DPH6: variants seen among roughly 807,000 people sequenced by gnomAD.
DPH6 encodes the protein diphthine--ammonia ligase.
DPH6 carries 33 observed loss-of-function variants against 38.2 expected under a neutral mutation model. The ratio of observed to expected loss-of-function variants is 0.86; its 90% CI spans 0.65 to 1.15. The LOEUF is 1.15. DPH6 is among the 50% of genes most tolerant of loss of function. DPH6 has a pLI of 0.00. For synonymous variants in DPH6, 108 were observed against 103.0 expected, an observed-to-expected ratio of 1.05 and a Z score of -0.30; for missense variants, 325 against 320.0, an observed-to-expected ratio of 1.02 and a Z score of -0.12.
downstream of DPH6, among the ~76,000 whole-genome samples, chr15:35,214,543 C>T (rs1402822504): frequency 1.3e-5 from 2 of 152,212 alleles, no homozygotes; most frequent in Non-Finnish European, 2.9e-5. Flanking sequence ...AATCCAACCA[C>T]TTCTCATCAT....
At chr15:35,272,683 T>C (rs1317199607) in intron 3 of DPH6, among the ~76,000 whole-genome samples, 1 of 151,874 alleles carries the variant, frequency 6.6e-6, no homozygotes, top group African/African-American at 2.4e-5. Flanking sequence ...CCGAGGCAGG[T>C]GGATCACCTG....
intron 3 of DPH6, chr15:35,489,983 T>C: frequency 1.0e-6 from 1 of 985,166 alleles, no homozygotes; most frequent in Non-Finnish European, 1.2e-6. Flanking sequence ...TTAATATGCA[T>C]AAGCCCAGAA....
chr15:35,496,567 A>AAAAATATATATATATATATATAT, intron 3 of DPH6, among the ~76,000 whole-genome samples: 6 of 31,014 alleles, frequency 1.9e-4, no homozygotes, highest in East Asian at 3.0e-3. Flanking sequence ...AAAAAAAAAA[A>AAAAATATATATATATATATATAT]ATATATATAT....
At chr15:35,436,555 G>A (rs1176620148) in intron 5 of DPH6, among the ~76,000 whole-genome samples, 6 of 147,620 alleles carry the variant, frequency 4.1e-5, no homozygotes, top group African/African-American at 1.5e-4. Flanking sequence ...ACTCCAGCCT[G>A]GGTGACAGAA....
chr15:35,377,322 C>CCCATCCATCCATCCAT (rs534979462), intron 7 of DPH6, among the ~76,000 whole-genome samples: 1 of 151,716 alleles, frequency 6.6e-6, no homozygotes, highest in African/African-American at 2.4e-5. Flanking sequence ...CTTCCGTCCA[C>CCCATCCATCCATCCAT]CCATCCATCC....
downstream of DPH6, among the ~76,000 whole-genome samples, chr15:35,216,892 T>C (rs904524835): frequency 1.3e-5 from 2 of 152,196 alleles, no homozygotes; most frequent in African/African-American, 4.8e-5. Flanking sequence ...TAAGTAGAAC[T>C]GATGGCATGT....
At chr15:35,456,375 T>C (rs1487279579) in intron 3 of DPH6, among the ~76,000 whole-genome samples, 1 of 151,166 alleles carries the variant, frequency 6.6e-6, no homozygotes, top group Non-Finnish European at 1.5e-5. Context: ...TATAGATGTA[T>C]AGGAGTGTGT....
At chr15:35,376,955 A>G (rs79209414) in intron 7 of DPH6, among the ~76,000 whole-genome samples, 2,582 of 152,280 alleles carry the variant, frequency 0.017, 39 homozygotes, top group Admixed American at 0.027. Context: ...GACTGTACAC[A>G]CTTTCTCATA....
the DPH6 span, among the ~76,000 whole-genome samples, chr15:35,209,258 T>C: frequency 2.0e-5 from 3 of 152,208 alleles, no homozygotes; most frequent in African/African-American, 7.2e-5. Flanking sequence ...AATGTAGTTC[T>C]TAACCTCAAC....
At chr15:35,185,076 C>A in the DPH6 span, among the ~76,000 whole-genome samples, 53 of 146,966 alleles carry the variant, frequency 3.6e-4, no homozygotes, top group Non-Finnish European at 7.7e-4. Context: ...AATACAGCTC[C>A]AATGTGGGAA....
intron 3 of DPH6, among the ~76,000 whole-genome samples, chr15:35,315,954 T>C (rs1450329457): frequency 6.6e-6 from 1 of 152,116 alleles, no homozygotes; most frequent in Non-Finnish European, 1.5e-5. Context: ...AGACAAGTAA[T>C]GCATGTTCAT....
intron 5 of DPH6, among the ~76,000 whole-genome samples, chr15:35,435,349 G>A (rs1816543987): frequency 6.6e-6 from 1 of 152,194 alleles, no homozygotes; most frequent in Non-Finnish European, 1.5e-5. Flanking sequence ...ACAATCAAAT[G>A]TAGACAACTG....
chr15:35,182,903 A>T, the DPH6 span, among the ~76,000 whole-genome samples: 1 of 152,200 alleles, frequency 6.6e-6, no homozygotes, highest in Non-Finnish European at 1.5e-5. Context: ...TGAAGCCTTC[A>T]AAGCAAAAAA....
chr15:35,458,350 C>A (rs974763727), intron 3 of DPH6, among the ~76,000 whole-genome samples: 4 of 152,098 alleles, frequency 2.6e-5, no homozygotes, highest in African/African-American at 9.7e-5. Flanking sequence ...ACCCTTGACA[C>A]GCAACTCTAG....
At chr15:35,414,118 A>AT (rs58628025) in intron 5 of DPH6, among the ~76,000 whole-genome samples, 55,376 of 151,382 alleles carry the variant, frequency 0.37, 12,131 homozygotes, top group African/African-American at 0.62. Flanking sequence ...TTATCAACAT[A>AT]TTTACAATGT....
intron 6 of DPH6, among the ~76,000 whole-genome samples, chr15:35,391,793 G>A (rs1312855818): frequency 6.6e-6 from 1 of 152,164 alleles, no homozygotes; most frequent in Non-Finnish European, 1.5e-5. Context: ...CGCTTCCCAG[G>A]TGAGGTGATG....
chr15:35,446,229 C>CTT (rs71123132), intron 5 of DPH6, among the ~76,000 whole-genome samples: 3 of 95,022 alleles, frequency 3.2e-5, no homozygotes, highest in African/African-American at 4.2e-5. Context: ...TTTTTTTTTC[C>CTT]TTTTTTTTTT....
intron 3 of DPH6, among the ~76,000 whole-genome samples, chr15:35,222,456 T>C (rs576983423): frequency 6.6e-6 from 1 of 152,298 alleles, no homozygotes; most frequent in East Asian, 1.9e-4. Context: ...CTTGGTTTTA[T>C]ACATTTTAGG....
At chr15:35,184,119 TG>T in the DPH6 span, among the ~76,000 whole-genome samples, 1 of 152,204 alleles carries the variant, frequency 6.6e-6, no homozygotes, top group South Asian at 2.1e-4. Context: ...CAGATGTAAA[TG>T]TAACAATCAA....
Sources: gnomAD v4.1 joint callset for allele counts (sites outside exome capture counted in the v4.1 genomes callset) on GRCh38, gnomAD v4.1.1 for gene constraint, MANE v1.5 for transcripts, NCBI Gene and HGNC (gene_info 2026-07-23, HGNC 2026-07-21) for gene names.